SOHLH1: variants seen among roughly 807,000 people sequenced by gnomAD.
SOHLH1 encodes the protein spermatogenesis- and oogenesis-specific basic helix-loop-helix-containing protein 1.
In SOHLH1, 23 loss-of-function variants were observed where a neutral mutation model predicts 36.2. The observed-to-expected ratio is 0.64, with a 90% confidence interval of 0.46 to 0.90. The LOEUF (loss-of-function observed/expected upper bound fraction) is 0.90. Ranked by LOEUF, SOHLH1 falls within the 40% of genes least tolerant of loss-of-function variation. The pLI, the probability that SOHLH1 is intolerant of heterozygous loss-of-function variation, is 0.00. For synonymous variants in SOHLH1, 289 were observed against 228.3 expected (o/e 1.27, Z -2.40); for missense variants, 608 against 517.0 (o/e 1.18, Z -1.71).
At chr9:135,696,061 GC>G (rs1304932745) in intron 5 of SOHLH1, among the ~76,000 whole-genome samples, 1 of 147,316 alleles carries the variant, frequency 6.8e-6, no homozygotes, top group African/African-American at 2.5e-5. Context: ...CCAGGATGGG[GC>G]CGAGTCCCTC....
intron 3 of SOHLH1, 132 bp downstream of exon 3, chr9:135,698,197 G>A: frequency 8.1e-7 from 1 of 1,242,012 alleles, no homozygotes; most frequent in East Asian, 2.3e-5. Context: ...CGAAAACGTG[G>A]CCTGCTCTAG....
chr9:135,697,626 A>T lies in SOHLH1; in HGVS notation c.347T>A (p.Ile116Asn). Residue 116 changes from isoleucine (I) to asparagine (N), a missense_variant and splice_region_variant, in exon 4 of 8, where the codon ATT (isoleucine) becomes AAT (asparagine). Coordinates refer to ENST00000425225, the MANE Select transcript of SOHLH1 (RefSeq NM_001101677.2). Reference protein sequence around the residue: ...ALGPSQEQHAILASSKEMWHS... With the variant: ...ALGPSQEQHANLASSKEMWHS... ...CCACATTTCCTTGGAGGAAGCAAGA[A>T]TCTGAAATTTAAGTAAACATGTAAA... The T allele has an allele frequency of 6.2e-7, 1 of 1,610,924 alleles. No individual in the cohort carries two copies. Among genetic ancestry groups the T allele is most frequent in the Non-Finnish European group, 8.5e-7 (1 of 1,178,828 alleles).
chr9:135,696,694 C>T lies in SOHLH1; in HGVS notation c.579G>A (p.Ala193=), dbSNP rs767590391. The T allele has an allele frequency of 6.8e-6, 11 of 1,612,848 alleles. No individual in the cohort carries two copies. Among genetic ancestry groups the T allele is most frequent in the South Asian group, 3.3e-5 (3 of 91,080 alleles). ...TGTCCGTGCCCAGGGACGTGCAGCT[C>T]GCGGGGTCCCACTGCCTGGAGGACG... The part of the protein sequence containing the change: ...ILASSRQWDP[A]SCTSLGTDKC... The change falls in exon 5 of 8, where the codon GCG becomes GCA. Residue 193 remains alanine (A), a synonymous_variant. Coordinates refer to ENST00000425225, the MANE Select transcript of SOHLH1 (RefSeq NM_001101677.2).
upstream of SOHLH1, among the ~76,000 whole-genome samples, chr9:135,700,646 G>T (rs1335852923): frequency 6.6e-6 from 1 of 152,216 alleles, no homozygotes; most frequent in Admixed American, 6.5e-5. Context: ...TGGGCCTCGG[G>T]CTGGCATCCT....
intron 1 of SOHLH1, 55 bp from the exon 2 acceptor site, chr9:135,699,181 G>A: frequency 1.3e-6 from 2 of 1,551,762 alleles, no homozygotes; most frequent in Admixed American, 1.9e-5. Context: ...AGGCCACCAG[G>A]AGTCCCAGAT....
chr9:135,698,509 C>A (rs767537125), intron 2 of SOHLH1, 33 bp from the exon 3 acceptor site: 2 of 1,612,640 alleles, frequency 1.2e-6, no homozygotes, highest in Non-Finnish European at 1.7e-6. Flanking sequence ...TACCTCTGGG[C>A]CCTCCTGCCC....
upstream of SOHLH1, among the ~76,000 whole-genome samples, chr9:135,701,550 A>G (rs1052558907): frequency 1.3e-5 from 2 of 152,172 alleles, no homozygotes; most frequent in Non-Finnish European, 2.9e-5. Flanking sequence ...TCTGCTTCCT[A>G]GTCTTTGGCC....
At chr9:135,694,611 T>C (rs548911) in intron 6 of SOHLH1, among the ~76,000 whole-genome samples, 154 bp from the exon 7 acceptor site, 70,237 of 151,842 alleles carry the variant, frequency 0.46, 17,103 homozygotes, top group East Asian at 0.89. Context: ...CGGGGAGAAA[T>C]GCAGAGGCCA....
At chr9:135,698,905 C>T (rs971678739) in intron 2 of SOHLH1, 90 bp downstream of exon 2, 2 of 1,583,698 alleles carry the variant, frequency 1.3e-6, no homozygotes, top group Non-Finnish European at 1.7e-6. Flanking sequence ...CCCCTCCCAG[C>T]TGCCTGACAC....
intron 4 of SOHLH1, 48 bp from the exon 5 acceptor site, chr9:135,696,853 C>G (rs1564299105): frequency 6.3e-7 from 1 of 1,594,442 alleles, no homozygotes; most frequent in Admixed American, 1.7e-5. Context: ...CCCCAGCCCC[C>G]TGGAAGGCTG....
intron 1 of SOHLH1, 71 bp downstream of exon 1, chr9:135,699,332 C>T: frequency 6.5e-7 from 1 of 1,539,778 alleles, no homozygotes. Context: ...TGGAGCCCAG[C>T]AACTTGCGGA....
chr9:135,694,018 G>A, intron 7 of SOHLH1: 1 of 1,426,830 alleles, frequency 7.0e-7, no homozygotes, highest in Non-Finnish European at 9.1e-7. Context: ...CCAGGAACGG[G>A]CTCCCAAACA....
chr9:135,693,988 G>T, intron 7 of SOHLH1, 174 bp from the exon 8 acceptor site: 1 of 1,429,512 alleles, frequency 7.0e-7, no homozygotes, highest in Non-Finnish European at 9.1e-7. Context: ...CCCAGACCCA[G>T]GACACCTGTT....
intron 2 of SOHLH1, 147 bp from the exon 3 acceptor site, chr9:135,698,623 A>C: frequency 8.3e-7 from 1 of 1,200,382 alleles, no homozygotes; most frequent in Non-Finnish European, 1.2e-6. Context: ...CCGTGGTCTG[A>C]AGCCCCGAGA....
upstream of SOHLH1, among the ~76,000 whole-genome samples, chr9:135,700,172 C>G (rs1054954694): frequency 1.3e-4 from 20 of 152,214 alleles, no homozygotes; most frequent in African/African-American, 4.1e-4. Context: ...AGCACCATCC[C>G]CGCTTTATGC....
Position 135,696,622 on chromosome 9 carries a change from G to T in SOHLH1, c.651C>A (p.Pro217=). The stretch of plus-strand genomic sequence containing the variant: ...ACACCCAGGACTCACCTGAGAAAGG[G>T]GGCAGCCCACCCCGCACCTGGCACA... ...LGLCQVRGGL[P]PFSEPSSLVP... The change falls in exon 5 of 8, where the codon CCC becomes CCA. Residue 217 remains proline (P), a synonymous_variant. Coordinates refer to ENST00000425225, the MANE Select transcript of SOHLH1 (RefSeq NM_001101677.2). 6.2e-7 allele frequency: 1 copy of T among 1,612,340 alleles called. No homozygotes were observed. Among genetic ancestry groups the T allele is most frequent in the Admixed American group, 1.7e-5 (1 of 59,998 alleles).
chr9:135,698,582 G>A (rs118083485), intron 2 of SOHLH1, 106 bp from the exon 3 acceptor site: 39,842 of 1,510,792 alleles, frequency 0.026, 621 homozygotes, highest in Middle Eastern at 0.032. Flanking sequence ...TTGTCAGGCA[G>A]AGGGGGCTAC....
rs1399606342 is a variant in SOHLH1, at chr9:135,694,394, C to T, written c.939G>A (p.Ser313=). 6.8e-6 allele frequency: 11 copies of T among 1,613,172 alleles called. No homozygotes were observed. The highest frequency in any genetic ancestry group is 2.2e-5 in the East Asian group (1 of 44,876). Reference sequence around the variant, plus strand: ...ACCCAGGGCCCCACTCACCCGGCCACGAGCTGGGACCAGCAGTCAGCAGGA... The same window carrying T: ...ACCCAGGGCCCCACTCACCCGGCCATGAGCTGGGACCAGCAGTCAGCAGGA... ...TSFLLTAGPS[S]WPGSLEGRGG... is the part of the protein sequence containing the mutation. Residue 313 remains serine, a synonymous_variant, in exon 7 of 8, where the codon TCG becomes TCA. Coordinates refer to ENST00000425225, the MANE Select transcript of SOHLH1 (RefSeq NM_001101677.2).
upstream of SOHLH1, chr9:135,702,109 G>A: frequency 1.6e-6 from 1 of 618,400 alleles, no homozygotes; most frequent in Non-Finnish European, 2.7e-6. Context: ...GGGCGCGCGC[G>A]GACAGACGCC....
Sources: gnomAD v4.1 joint callset for allele counts (sites outside exome capture counted in the v4.1 genomes callset) on GRCh38, gnomAD v4.1.1 for gene constraint, MANE v1.5 for transcripts, NCBI Gene and HGNC (gene_info 2026-07-23, HGNC 2026-07-21) for gene names.